ELOVL2: variants seen among roughly 807,000 people sequenced by gnomAD.
ELOVL2 encodes very long chain fatty acid elongase 2.
A neutral mutation model predicts 37.7 loss-of-function variants in ELOVL2; 38 were observed. The observed-to-expected ratio is 1.01, with a 90% CI of 0.78 to 1.32. The LOEUF is 1.32. Among genes scored for constraint, ELOVL2 ranks in the 40% most tolerant of loss-of-function variants. The pLI is 0.00. For synonymous variants in ELOVL2, 115 were observed against 122.3 expected, an observed-to-expected ratio of 0.94 and a Z score of 0.40; for missense variants, 352 against 363.6, an observed-to-expected ratio of 0.97 and a Z score of 0.26.
intron 3 of ELOVL2, among the ~76,000 whole-genome samples, chr6:11,002,215 C>T (rs906980573): frequency 1.3e-5 from 2 of 152,210 alleles, no homozygotes; most frequent in African/African-American, 4.8e-5. Context: ...CATTCAGTCT[C>T]AACTCCAATG....
At chr6:10,988,564 C>A (rs1365631772) in intron 7 of ELOVL2, among the ~76,000 whole-genome samples, 1 of 151,340 alleles carries the variant, frequency 6.6e-6, no homozygotes, top group African/African-American at 2.4e-5. Flanking sequence ...AACTCTGTTT[C>A]AAAAAAATAA....
At chr6:11,007,449 T>C (rs1319478074) in intron 2 of ELOVL2, among the ~76,000 whole-genome samples, 1 of 151,974 alleles carries the variant, frequency 6.6e-6, no homozygotes, top group African/African-American at 2.4e-5. Flanking sequence ...GAGTGATGCA[T>C]CTCCAAGCTA....
At chr6:11,031,207 C>A (rs763746228) in intron 1 of ELOVL2, among the ~76,000 whole-genome samples, 1 of 152,028 alleles carries the variant, frequency 6.6e-6, no homozygotes, top group Non-Finnish European at 1.5e-5. Flanking sequence ...TGGATATATT[C>A]GGTTATTTCC....
chr6:10,989,832 C>T lies in ELOVL2; in HGVS notation c.636G>A (p.Gln212=). 6.2e-7 allele frequency: 1 copy of T among 1,614,106 alleles called. No individual in the cohort carries two copies. The highest frequency in any genetic ancestry group is 8.5e-7 in the Non-Finnish European group (1 of 1,180,016). Residue 212 remains glutamine, a synonymous_variant, in exon 7 of 8, where the codon CAG becomes CAA. Transcript: ENST00000354666. ...TGGTGTGCGTGATGGTGAGCACGAA[C>T]TGCACCTGGGGACGGCAGAGAGGGC... ...KKYLTQAQLV[Q]FVLTITHTMS...
At chr6:10,996,064 C>G (rs1471926659) in intron 4 of ELOVL2, among the ~76,000 whole-genome samples, 2 of 152,188 alleles carry the variant, frequency 1.3e-5, no homozygotes, top group Non-Finnish European at 2.9e-5. Flanking sequence ...GCCCTCAAGT[C>G]AGTCTCATCT....
rs976517724 is a variant in ELOVL2, at chr6:11,044,094, C to T, written c.3+134G>A. 59 of 1,184,372 alleles carry T rather than the reference C, an allele frequency of 5.0e-5. No homozygotes were observed. The highest frequency in any genetic ancestry group is 5.5e-5 in the Non-Finnish European group (51 of 920,324). 73.4% of individuals were successfully genotyped at this position (1,184,372 alleles called of 1,614,324 possible). A position where few individuals can be genotyped will look rare whatever the true frequency, so the allele number is the denominator to read the frequency against. ...CAGGCCCGCGCGGACCCGGCCCCTC[C>T]GAGGGTAGCGGGTTCCAGCGGCGAA... is the stretch of plus-strand genomic sequence containing the variant. On this transcript the variant is annotated intron_variant, in intron 1 of 7. Coordinates refer to ENST00000354666, the MANE Select transcript of ELOVL2 (RefSeq NM_017770.4). This position sits in a 1 kb window ranked among gnomAD's most constrained non-coding sequence, Gnocchi z 5.6.
intron 1 of ELOVL2, among the ~76,000 whole-genome samples, chr6:11,034,091 G>T (rs1475562749): frequency 6.6e-6 from 1 of 152,150 alleles, no homozygotes. Flanking sequence ...GTTAAAGAGA[G>T]AATTTTTCAG....
intron 1 of ELOVL2, among the ~76,000 whole-genome samples, chr6:11,038,483 A>C (rs1357270597): frequency 6.6e-6 from 1 of 151,788 alleles, no homozygotes; most frequent in Non-Finnish European, 1.5e-5. Flanking sequence ...CCAGCTCAAA[A>C]ATAAATAAAT....
intron 1 of ELOVL2, among the ~76,000 whole-genome samples, chr6:11,019,285 C>G (rs1275703055): frequency 6.6e-6 from 1 of 152,024 alleles, no homozygotes; most frequent in Non-Finnish European, 1.5e-5. Flanking sequence ...CAAGATTAGT[C>G]CAAATTCCTA....
intron 1 of ELOVL2, among the ~76,000 whole-genome samples, chr6:11,030,372 G>A (rs1427343857): frequency 6.6e-6 from 1 of 152,136 alleles, no homozygotes; most frequent in African/African-American, 2.4e-5. Flanking sequence ...GCAGATCCCA[G>A]ATCCTTATTT....
At chr6:11,028,826 A>T (rs943440762) in intron 1 of ELOVL2, among the ~76,000 whole-genome samples, 1 of 152,094 alleles carries the variant, frequency 6.6e-6, no homozygotes, top group Non-Finnish European at 1.5e-5. Context: ...TCTATAAGGC[A>T]GGTATGTTCA....
At chr6:10,993,567 T>G (rs1431624136) in intron 5 of ELOVL2, among the ~76,000 whole-genome samples, 2 of 152,328 alleles carry the variant, frequency 1.3e-5, no homozygotes, top group African/African-American at 2.4e-5. Context: ...ATGAAATCAC[T>G]CATTTAAAAG....
chr6:11,043,221 G>A (rs913148715), intron 1 of ELOVL2, among the ~76,000 whole-genome samples: 3 of 152,170 alleles, frequency 2.0e-5, no homozygotes, highest in Non-Finnish European at 4.4e-5. Flanking sequence ...CTGAAGTGGA[G>A]AGAAAACCCT....
At chr6:11,010,682 TC>T in intron 2 of ELOVL2, 63 bp downstream of exon 2, 1 of 1,292,798 alleles carries the variant, frequency 7.7e-7, no homozygotes, top group Non-Finnish European at 1.1e-6. Flanking sequence ...ATAATCCCTT[TC>T]TATAACTAAA....
chr6:11,041,399 G>A (rs1783095659), intron 1 of ELOVL2, among the ~76,000 whole-genome samples: 1 of 152,142 alleles, frequency 6.6e-6, no homozygotes, highest in Non-Finnish European at 1.5e-5. Flanking sequence ...TGGAACCCTT[G>A]TTGAAGAACC....
Position 11,044,270 on chromosome 6 carries a change from C to T in ELOVL2, c.-40G>A, listed in dbSNP as rs1783171828. On this transcript the variant is annotated 5_prime_UTR_variant, in exon 1 of 8. Coordinates refer to ENST00000354666, the MANE Select transcript of ELOVL2 (RefSeq NM_017770.4). This position sits in a 1 kb window ranked among gnomAD's most constrained non-coding sequence, Gnocchi z 5.6. ...GTGGCGCGGCGACCCGGGCGGGCGG[C>T]GATGCGCTGTCCAGGGTAGCCGGGT... 2.3e-6 allele frequency: 3 copies of T among 1,316,632 alleles called. No individual in the cohort carries two copies. The highest frequency in any genetic ancestry group is 2.1e-5 in the South Asian group (1 of 46,770). The allele number at this position is 1,316,632 out of a possible 1,614,324, so 81.6% of individuals were successfully genotyped here.
intron 2 of ELOVL2, among the ~76,000 whole-genome samples, chr6:11,007,961 T>C (rs908530573): frequency 1.3e-5 from 2 of 152,182 alleles, no homozygotes. Context: ...AGCCAAAAGA[T>C]AGGAACAAAT....
intron 1 of ELOVL2, among the ~76,000 whole-genome samples, chr6:11,015,072 T>C (rs910954247): frequency 6.6e-6 from 1 of 152,188 alleles, no homozygotes; most frequent in Non-Finnish European, 1.5e-5. Flanking sequence ...AACATGGATG[T>C]ATCTCAAAAT....
chr6:11,041,820 A>G (rs968927377), intron 1 of ELOVL2, among the ~76,000 whole-genome samples: 1 of 152,226 alleles, frequency 6.6e-6, no homozygotes, highest in Admixed American at 6.5e-5. Flanking sequence ...ATAAATCCAC[A>G]TTATAGAAAA....
Sources: gnomAD v4.1 joint callset for allele counts (sites outside exome capture counted in the v4.1 genomes callset) on GRCh38, gnomAD v4.1.1 for gene constraint, Gnocchi (gnomAD v3.1) non-coding constraint, MANE v1.5 for transcripts, NCBI Gene and HGNC (gene_info 2026-07-23, HGNC 2026-07-21) for gene names.